The following CWC27 variants were observed in gnomAD, a reference collection of about 807,000 sequenced individuals.
The protein encoded by CWC27 is spliceosome-associated protein CWC27 homolog.
Under a neutral mutation model 63.6 loss-of-function variants are expected in CWC27, and 47 were observed. The observed-to-expected ratio is 0.74, with a 90% CI of 0.58 to 0.94. The LOEUF is 0.94. Among genes scored for constraint, CWC27 ranks in the 40% least tolerant of loss-of-function variants. CWC27 has a pLI of 0.00. For synonymous variants in CWC27, 175 were observed against 179.8 expected, an observed-to-expected ratio of 0.97 and a Z score of 0.22; for missense variants, 495 against 554.3, an observed-to-expected ratio of 0.89 and a Z score of 1.07.
Position 64,874,241 on chromosome 5 carries a change from A to C in CWC27, c.939-11202A>C, listed in dbSNP as rs1746743047. On this transcript the variant is annotated intron_variant, in intron 10 of 13. Transcript: ENST00000381070. ...CAGTGGCACAATCTCAGCTCACTGC[A>C]ACCTCTGCCTCCTGGGTTCAAGTTA... 2.8e-5 allele frequency among the ~76,000 whole-genome samples: 4 copies of C among 140,636 alleles called. No homozygotes were observed. The South Asian group carries it at 8.9e-4, about 31-fold the overall frequency. The allele number at this position is 140,636 out of a possible 152,430, so 92.3% of individuals were successfully genotyped here. A position where few individuals can be genotyped will look rare whatever the true frequency, so the allele number is the denominator to read the frequency against.
In CWC27 at chr5:65,010,610, C is replaced by T. The variant is rs1211865051; in HGVS notation, c.1257-7549C>T. Among the ~76,000 whole-genome samples the T allele has an allele frequency of 2.0e-5, 3 of 152,256 alleles. No homozygotes were observed. The South Asian group carries it at 6.2e-4, about 32-fold the overall frequency. ...ACAAATTTTGTGTATGGCAAAATTTCATAAAGAATGGCAAGGTCTTTTAAC... is the reference window on the plus strand; with the variant it reads ...ACAAATTTTGTGTATGGCAAAATTTTATAAAGAATGGCAAGGTCTTTTAAC... On this transcript the variant is annotated intron_variant, in intron 13 of 13. Transcript: ENST00000381070.
chr5:64,796,384 G>A (rs1285768296), intron 7 of CWC27, among the ~76,000 whole-genome samples: 3 of 152,012 alleles, frequency 2.0e-5, no homozygotes, highest in Non-Finnish European at 4.4e-5. Context: ...GAGACTCAGG[G>A]AATAGTTGAT....
intron 10 of CWC27, among the ~76,000 whole-genome samples, chr5:64,842,428 T>G (rs1281145275): frequency 6.6e-6 from 1 of 151,272 alleles, no homozygotes; most frequent in African/African-American, 2.4e-5. Flanking sequence ...CTCAGCCTCC[T>G]GAGTAGCTGA....
chr5:64,987,071 A>AT (rs1749448754), intron 13 of CWC27, among the ~76,000 whole-genome samples: 1 of 150,150 alleles, frequency 6.7e-6, no homozygotes, highest in Admixed American at 6.6e-5. Context: ...GTTTATTTTT[A>AT]TTTTTTATTT....
At chr5:64,779,059 T>A (rs1225377270) in intron 2 of CWC27, among the ~76,000 whole-genome samples, 3 of 152,220 alleles carry the variant, frequency 2.0e-5, no homozygotes, top group Non-Finnish European at 4.4e-5. Flanking sequence ...TGTCAGTAAC[T>A]GTATCAGTAA....
At chr5:64,799,421 A>G (rs1343174514) in intron 7 of CWC27, among the ~76,000 whole-genome samples, 1 of 151,834 alleles carries the variant, frequency 6.6e-6, no homozygotes, top group Non-Finnish European at 1.5e-5. Context: ...CCCTGTCTCT[A>G]CTAAAAATAC....
At chr5:64,806,193 T>C (rs1744661796) in intron 10 of CWC27, among the ~76,000 whole-genome samples, 1 of 152,202 alleles carries the variant, frequency 6.6e-6, no homozygotes, top group Admixed American at 6.5e-5. Context: ...TATAAATCAG[T>C]ATAATTTGCA....
rs1368981497 is a variant in CWC27 at position 64,781,932 on chromosome 5, A to G, written c.151A>G (p.Asn51Asp). 1 of 1,566,582 alleles carries G rather than the reference A, an allele frequency of 6.4e-7. No individual in the cohort carries two copies. ...TATTTTTTTTTCAGCTTATTATGAC[A>G]ATACCATTTTTCATAGAGTTGTGCC... ...IQLCLEAYYD[N>D]TIFHRVVPGF... Residue 51 changes from asparagine to aspartate, a missense_variant, in exon 3 of 14, where the codon AAT (asparagine) becomes GAT (aspartate). Coordinates refer to ENST00000381070, the MANE Select transcript of CWC27 (RefSeq NM_005869.4).
intron 10 of CWC27, among the ~76,000 whole-genome samples, chr5:64,842,032 A>G (rs983562327): frequency 6.6e-6 from 1 of 152,206 alleles, no homozygotes; most frequent in South Asian, 2.1e-4. Context: ...ACTGCAGACT[A>G]CAGACCTAAT....
At chr5:64,951,066 A>C (rs983028259) in intron 11 of CWC27, among the ~76,000 whole-genome samples, 8 of 151,932 alleles carry the variant, frequency 5.3e-5, no homozygotes, top group Admixed American at 5.3e-4. Flanking sequence ...TTATGAATAA[A>C]GCTGTTATAG....
At chr5:64,799,430 A>G (rs1744401051) in intron 7 of CWC27, among the ~76,000 whole-genome samples, 1 of 151,600 alleles carries the variant, frequency 6.6e-6, no homozygotes, top group Non-Finnish European at 1.5e-5. Flanking sequence ...TACTAAAAAT[A>G]CAAATATTAG....
intron 11 of CWC27, among the ~76,000 whole-genome samples, chr5:64,904,777 A>G (rs1440620827): frequency 6.6e-6 from 1 of 152,222 alleles, no homozygotes; most frequent in African/African-American, 2.4e-5. Context: ...ACTGAATGCA[A>G]CCATGACTCA....
intron 10 of CWC27, chr5:64,807,828 A>G: frequency 6.5e-7 from 1 of 1,531,958 alleles, no homozygotes; most frequent in Non-Finnish European, 8.7e-7. Context: ...TTCAACCCGT[A>G]TTTCTTTCTC....
chr5:64,864,019 T>A (rs1458204865), intron 10 of CWC27, among the ~76,000 whole-genome samples: 1 of 152,190 alleles, frequency 6.6e-6, no homozygotes, highest in Non-Finnish European at 1.5e-5. Flanking sequence ...CTTTCACTCA[T>A]CAACTGAGGC....
chr5:64,866,293 A>G (rs1170264592), intron 10 of CWC27, among the ~76,000 whole-genome samples: 1 of 152,080 alleles, frequency 6.6e-6, no homozygotes, highest in Non-Finnish European at 1.5e-5. Flanking sequence ...CCAGAAGTAC[A>G]GTTCCCAATT....
At chr5:64,904,708 A>G (rs1217749351) in intron 11 of CWC27, among the ~76,000 whole-genome samples, 2 of 152,262 alleles carry the variant, frequency 1.3e-5, no homozygotes, top group Non-Finnish European at 2.9e-5. Context: ...AAGAAACTGT[A>G]GACATACTTT....
chr5:64,841,319 A>G (rs1745828985), intron 10 of CWC27, among the ~76,000 whole-genome samples: 1 of 152,226 alleles, frequency 6.6e-6, no homozygotes, highest in African/African-American at 2.4e-5. Flanking sequence ...ACCTATTCAC[A>G]TGATAATGGC....
intron 1 of CWC27, among the ~76,000 whole-genome samples, chr5:64,771,159 C>G (rs1370823431): frequency 1.3e-5 from 2 of 152,152 alleles, no homozygotes; most frequent in Non-Finnish European, 2.9e-5. Flanking sequence ...GGGACTTTTT[C>G]CAGCATAAGG....
rs1306256348 is a variant in CWC27 at position 64,804,276 on chromosome 5, TG to T, written c.829del (p.Glu277LysfsTer4). 1 of 1,612,942 alleles carries T rather than the reference TG, an allele frequency of 6.2e-7. No individual in the cohort carries two copies. The highest frequency in any genetic ancestry group is 2.2e-5 in the East Asian group (1 of 44,810). ...AGCATGATGAATATATTGATGGTGA[TG>T]AAAAGAACCTGATGAGAGAAAGAAT... ...AEHDEYIDGD[E>X]KNLMRERIAK... On this transcript the variant is annotated frameshift_variant, in exon 10 of 14. Coordinates refer to ENST00000381070, the MANE Select transcript of CWC27 (RefSeq NM_005869.4). LOFTEE classifies it high-confidence loss of function.
Sources: gnomAD v4.1 joint callset for allele counts (sites outside exome capture counted in the v4.1 genomes callset) on GRCh38, gnomAD v4.1.1 for gene constraint, MANE v1.5 for transcripts, NCBI Gene and HGNC (gene_info 2026-07-23, HGNC 2026-07-21) for gene names.